The following MAX variants were observed in gnomAD, a reference collection of about 807,000 sequenced individuals.
The protein encoded by MAX is MYC associated transcriptional regulator X.
A neutral mutation model predicts 22.3 loss-of-function variants in MAX; 3 were observed. The ratio of observed to expected loss-of-function variants is 0.13; its 90% confidence interval spans 0.06 to 0.35. MAX has a LOEUF of 0.35. MAX is among the 10% of genes least tolerant of loss of function. MAX has a pLI of 1.00. For synonymous variants in MAX, 72 were observed against 77.7 expected, an observed-to-expected ratio of 0.93 and a Z score of 0.39; for missense variants, 119 against 209.4, an observed-to-expected ratio of 0.57 and a Z score of 2.66.
chr14:65,061,147 G>A (rs937665278), intron 3 of MAX: 3 of 1,612,514 alleles, frequency 1.9e-6, no homozygotes, highest in East Asian at 4.5e-5. Context: ...GGACCACCGG[G>A]GTGATTAACT....
At chr14:65,051,897 C>T (rs2062622202) in intron 3 of MAX, among the ~76,000 whole-genome samples, 2 of 151,536 alleles carry the variant, frequency 1.3e-5, no homozygotes, top group Non-Finnish European at 2.9e-5. Context: ...TGGGTTCACG[C>T]CATTCTCCTG....
At chr14:65,019,181 G>GA (rs1322701241) in intron 3 of MAX, among the ~76,000 whole-genome samples, 3 of 148,234 alleles carry the variant, frequency 2.0e-5, no homozygotes, top group Non-Finnish European at 3.0e-5. Flanking sequence ...CTCAAAAAAA[G>GA]AAAAAGAAAA....
chr14:65,046,852 G>GCTT (rs58403603), intron 3 of MAX, among the ~76,000 whole-genome samples: 85,834 of 151,476 alleles, frequency 0.57, 24,952 homozygotes, highest in African/African-American at 0.69. Flanking sequence ...GGTGATGTTT[G>GCTT]CTTCTGTTTG....
intron 3 of MAX, among the ~76,000 whole-genome samples, chr14:65,038,666 C>T (rs955606659): frequency 1.2e-4 from 19 of 152,122 alleles, no homozygotes; most frequent in African/African-American, 4.6e-4. Context: ...TGCAGTGAGC[C>T]AAGATTGTGC....
chr14:65,026,305 G>A (rs1379353517), intron 3 of MAX, among the ~76,000 whole-genome samples: 9 of 152,208 alleles, frequency 5.9e-5, no homozygotes, highest in Admixed American at 5.9e-4. Flanking sequence ...GGGCTCTCTT[G>A]ATTTCACCTA....
At chr14:65,053,286 T>C in intron 3 of MAX, 3 of 1,468,408 alleles carry the variant, frequency 2.0e-6, no homozygotes, top group South Asian at 1.4e-5. Context: ...CAGCAGGCCC[T>C]GCAGGAGTAC....
intron 3 of MAX, among the ~76,000 whole-genome samples, chr14:65,024,228 C>G (rs1439921023): frequency 6.6e-6 from 1 of 152,084 alleles, no homozygotes; most frequent in East Asian, 1.9e-4. Flanking sequence ...CCTGGCTGAA[C>G]ATTGGAATCA....
In MAX at chr14:65,077,536, T is replaced by G; in HGVS notation, c.295+377A>C. 1 of 946,672 alleles carries G rather than the reference T, an allele frequency of 1.1e-6. No homozygotes were observed. Among genetic ancestry groups the G allele is most frequent in the Non-Finnish European group, 1.7e-6 (1 of 572,002 alleles). The allele number at this position is 946,672 out of a possible 1,614,324, so 58.6% of individuals were successfully genotyped here. On this transcript the variant is annotated intron_variant, in intron 4 of 4. Transcript: ENST00000358664. This position sits in a 1 kb window ranked among gnomAD's most constrained non-coding sequence, Gnocchi z 6.3. ...GACAATGGGGAGGGCTCACTGTCCC[T>G]GAACACCTGGAGTCTCTGGTACTTA...
At chr14:65,025,325 T>C (rs1319349956) in intron 3 of MAX, among the ~76,000 whole-genome samples, 1 of 152,232 alleles carries the variant, frequency 6.6e-6, no homozygotes, top group Admixed American at 6.5e-5. Flanking sequence ...TTCTTTCTTT[T>C]AAAAAATGTG....
chr14:65,075,813 C>G lies in MAX; in HGVS notation c.*663G>C, dbSNP rs2063043095. ...ACGGCCCTCCGTGAGGCTGGCGCCG[C>G]AGGCTTAAACAGCTGGCTGAGAGAA... On this transcript the variant is annotated 3_prime_UTR_variant, in exon 5 of 5. Transcript: ENST00000358664. The surrounding 1 kb of genome is among the most constrained non-coding windows in gnomAD (Gnocchi z 4.1). 4.7e-6 allele frequency: 5 copies of G among 1,066,692 alleles called. No homozygotes were observed. Among genetic ancestry groups the G allele is most frequent in the Non-Finnish European group, 5.7e-6 (5 of 880,082 alleles). The allele number at this position is 1,066,692 out of a possible 1,614,324, so 66.1% of individuals were successfully genotyped here.
chr14:65,016,113 C>T (rs1026305604), intron 3 of MAX, among the ~76,000 whole-genome samples: 4 of 152,210 alleles, frequency 2.6e-5, no homozygotes, highest in Non-Finnish European at 4.4e-5. Context: ...GCCTTTCCTA[C>T]GCACCTCTAT....
At chr14:65,033,118 G>A (rs1410925712) in intron 3 of MAX, among the ~76,000 whole-genome samples, 1 of 152,180 alleles carries the variant, frequency 6.6e-6, no homozygotes, top group African/African-American at 2.4e-5. Context: ...TCATAAGCAC[G>A]AGATGGGTAA....
intron 3 of MAX, among the ~76,000 whole-genome samples, chr14:65,063,042 T>A (rs952350199): frequency 2.6e-5 from 4 of 152,204 alleles, no homozygotes; most frequent in African/African-American, 7.2e-5. Context: ...TGGAACTCTG[T>A]GGCCACTTGG....
chr14:65,011,604 T>G lies in MAX; in HGVS notation c.172-5320A>C, dbSNP rs2061684722. Reference sequence around the variant, plus strand: ...CATCTTGACAATCTGTGCTTTTTGTTTCCTTCCCTAGTCACACAGGCTCTT... The same window carrying G: ...CATCTTGACAATCTGTGCTTTTTGTGTCCTTCCCTAGTCACACAGGCTCTT... On this transcript the variant is annotated intron_variant, in intron 3 of 3. Transcript: ENST00000341653. The surrounding 1 kb of genome is among the most constrained non-coding windows in gnomAD (Gnocchi z 4.0). 6.6e-6 allele frequency among the ~76,000 whole-genome samples: 1 copy of G among 152,200 alleles called. No homozygotes were observed. Among genetic ancestry groups the G allele is most frequent in the Non-Finnish European group, 1.5e-5 (1 of 68,032 alleles).
At chr14:65,039,296 A>G (rs2062288625) in intron 3 of MAX, among the ~76,000 whole-genome samples, 1 of 152,194 alleles carries the variant, frequency 6.6e-6, no homozygotes, top group Non-Finnish European at 1.5e-5. Context: ...ACACAGAGGA[A>G]TGGGGCTGGG....
chr14:65,061,402 AC>A, intron 3 of MAX: 1 of 1,555,128 alleles, frequency 6.4e-7, no homozygotes. Flanking sequence ...TCTGTGCTAC[AC>A]AAGCCTTAGC....
chr14:65,095,148 G>A (rs2063625488), intron 2 of MAX, among the ~76,000 whole-genome samples: 1 of 152,196 alleles, frequency 6.6e-6, no homozygotes, highest in South Asian at 2.1e-4. Flanking sequence ...AGAGGAAGAG[G>A]AGACTGGGAG....
chr14:65,026,594 T>C (rs1329392053), intron 3 of MAX, among the ~76,000 whole-genome samples: 1 of 152,204 alleles, frequency 6.6e-6, no homozygotes, highest in Non-Finnish European at 1.5e-5. Flanking sequence ...ATGCAGTGGC[T>C]CACACCTGTA....
At chr14:65,037,749 T>A (rs760884086) in intron 3 of MAX, among the ~76,000 whole-genome samples, 2 of 56,568 alleles carry the variant, frequency 3.5e-5, no homozygotes, top group Non-Finnish European at 7.1e-5. Flanking sequence ...TTATTATTTA[T>A]TTATTTATTT....
Sources: allele counts gnomAD v4.1 joint callset (sites outside exome capture counted in the v4.1 genomes callset), GRCh38; gene constraint gnomAD v4.1.1; non-coding constraint Gnocchi (gnomAD v3.1); transcripts MANE v1.5; gene names NCBI Gene and HGNC (gene_info 2026-07-23, HGNC 2026-07-21).